Variants in KCNIP4 observed in about 807,000 individuals in gnomAD.
KCNIP4 encodes the protein Kv channel-interacting protein 4.
KCNIP4 carries 12 observed loss-of-function variants against 34.0 expected under a neutral mutation model. The ratio of observed to expected loss-of-function variants is 0.35; its 90% CI spans 0.23 to 0.57. The LOEUF (loss-of-function observed/expected upper bound fraction) is 0.57. Ranked by LOEUF, KCNIP4 falls within the 20% of genes least tolerant of loss-of-function variation. The pLI is 0.83. For synonymous variants in KCNIP4, 124 were observed against 102.2 expected (o/e 1.21, Z -1.29); for missense variants, 238 against 311.7 (o/e 0.76, Z 1.78).
At chr4:21,525,197 A>C (rs928552790) in intron 1 of KCNIP4, among the ~76,000 whole-genome samples, 5 of 152,226 alleles carry the variant, frequency 3.3e-5, no homozygotes, top group African/African-American at 1.2e-4. Flanking sequence ...AAATCACAAC[A>C]GTATATGGAA....
At position 21,137,010 on chromosome 4, in the gene KCNIP4, C is replaced by A. The variant is rs1751549522; in HGVS notation, c.62-254301G>T. ...ACTGTGGGCCCTTCTCATAACCAAACTCTGGGTTCCATTCCTTTGATCAAC... is the reference window on the plus strand; with the variant it reads ...ACTGTGGGCCCTTCTCATAACCAAAATCTGGGTTCCATTCCTTTGATCAAC... On this transcript the variant is annotated intron_variant, in intron 1 of 8. Transcript: ENST00000382152. 2.0e-5 allele frequency among the ~76,000 whole-genome samples: 3 copies of A among 152,254 alleles called. No individual in the cohort carries two copies. In the South Asian group the frequency reaches 6.2e-4, roughly 32 times the overall value.
intron 1 of KCNIP4, among the ~76,000 whole-genome samples, chr4:21,331,897 C>T (rs1486579669): frequency 6.6e-6 from 1 of 151,994 alleles, no homozygotes; most frequent in Non-Finnish European, 1.5e-5. Context: ...CAATTAGACT[C>T]ACTTTGTGGG....
chr4:20,975,830 C>T (rs1015215778), intron 1 of KCNIP4, among the ~76,000 whole-genome samples: 6 of 152,264 alleles, frequency 3.9e-5, no homozygotes, highest in South Asian at 2.1e-4. Flanking sequence ...CATTGTTTCA[C>T]ATGTAAAATA....
At chr4:21,560,231 C>T (rs12641665) in intron 1 of KCNIP4, among the ~76,000 whole-genome samples, 64,704 of 151,786 alleles carry the variant, frequency 0.43, 13,995 homozygotes, top group East Asian at 0.66. Context: ...ACTTTAAGAT[C>T]ATCTCCCATA....
At chr4:21,898,439 T>C (rs568182337) in intron 1 of KCNIP4, among the ~76,000 whole-genome samples, 43 of 152,248 alleles carry the variant, frequency 2.8e-4, no homozygotes, top group African/African-American at 9.9e-4. Context: ...GCAACCTGTA[T>C]GCCAGTTCAG....
intron 1 of KCNIP4, among the ~76,000 whole-genome samples, chr4:21,186,842 T>C (rs2109337059): frequency 6.6e-6 from 1 of 152,078 alleles, no homozygotes; most frequent in South Asian, 2.1e-4. Context: ...AGAGACAGAG[T>C]CTTACTATGT....
chr4:21,147,508 T>C (rs1015245729), intron 1 of KCNIP4, among the ~76,000 whole-genome samples: 2 of 152,166 alleles, frequency 1.3e-5, no homozygotes, highest in South Asian at 2.1e-4. Flanking sequence ...TGCTTCAGAG[T>C]TGTTGAGCTC....
At chr4:21,704,204 A>G (rs1283972249) in intron 1 of KCNIP4, among the ~76,000 whole-genome samples, 1 of 152,180 alleles carries the variant, frequency 6.6e-6, no homozygotes, top group Non-Finnish European at 1.5e-5. Flanking sequence ...TTAAATGTAA[A>G]ATGTAAAACT....
At chr4:21,386,651 C>A (rs1329027833) in intron 1 of KCNIP4, among the ~76,000 whole-genome samples, 1 of 152,182 alleles carries the variant, frequency 6.6e-6, no homozygotes, top group African/African-American at 2.4e-5. Context: ...ATCCTACTTT[C>A]TAGCAGATTC....
chr4:20,786,460 C>T (rs1712004766), intron 3 of KCNIP4, among the ~76,000 whole-genome samples: 1 of 152,002 alleles, frequency 6.6e-6, no homozygotes, highest in Admixed American at 6.6e-5. Flanking sequence ...AAAATAAAAG[C>T]CAAAGAGGCA....
intron 2 of KCNIP4, among the ~76,000 whole-genome samples, chr4:20,864,960 C>A (rs1323207029): frequency 1.3e-5 from 2 of 152,126 alleles, no homozygotes; most frequent in Middle Eastern, 3.4e-3. Context: ...ACATCAGAAG[C>A]AGATACTGAT....
At chr4:21,189,294 C>G (rs1174600519) in intron 1 of KCNIP4, among the ~76,000 whole-genome samples, 1 of 152,306 alleles carries the variant, frequency 6.6e-6, no homozygotes, top group African/African-American at 2.4e-5. Context: ...AGTTTCCCAT[C>G]TGCTTCACAG....
At chr4:20,927,434 A>C (rs1016408946) in intron 1 of KCNIP4, among the ~76,000 whole-genome samples, 2 of 152,234 alleles carry the variant, frequency 1.3e-5, no homozygotes, top group African/African-American at 4.8e-5. Context: ...CTTAGCAGCT[A>C]TAATAGTGCA....
chr4:20,954,456 G>A (rs549905058), intron 1 of KCNIP4, among the ~76,000 whole-genome samples: 1 of 152,270 alleles, frequency 6.6e-6, no homozygotes, highest in Non-Finnish European at 1.5e-5. Context: ...GTACTCTGCA[G>A]GGTGTAGAGA....
rs118006994 is a variant in KCNIP4 at position 21,502,257 on chromosome 4, G to A, written c.61+446314C>T. ...TCAAGGTCTGATACATGCTCAAAATGGGAAAAAGAAAAAGAAAATGAGTTA... is the reference window on the plus strand; with the variant it reads ...TCAAGGTCTGATACATGCTCAAAATAGGAAAAAGAAAAAGAAAATGAGTTA... On this transcript the variant is annotated intron_variant, in intron 1 of 8. Transcript: ENST00000382152. Among the ~76,000 whole-genome samples the A allele has an allele frequency of 0.012, 1,770 of 151,940 alleles. 70 individuals carry two copies. The East Asian group carries it at 0.12, about 10-fold the overall frequency.
intron 7 of KCNIP4, among the ~76,000 whole-genome samples, chr4:20,732,402 G>A (rs954826612): frequency 1.3e-5 from 2 of 152,144 alleles, no homozygotes; most frequent in African/African-American, 4.8e-5. Context: ...GATTAATGAG[G>A]ATTTATAGGA....
intron 1 of KCNIP4, among the ~76,000 whole-genome samples, chr4:21,089,864 A>G (rs1227018171): frequency 6.6e-6 from 1 of 152,148 alleles, no homozygotes; most frequent in African/African-American, 2.4e-5. Flanking sequence ...GCAAAGCCTG[A>G]TCTCTGGATA....
chr4:21,665,928 C>T (rs1748913947), intron 1 of KCNIP4, among the ~76,000 whole-genome samples: 1 of 152,074 alleles, frequency 6.6e-6, no homozygotes. Flanking sequence ...TTATTGTGAA[C>T]CCAGGAAGGT....
chr4:21,087,146 A>ATGTGTATGTGTG lies in KCNIP4; in HGVS notation c.62-204438_62-204437insCACACATACACA, dbSNP rs1553935808. Among the ~76,000 whole-genome samples the ATGTGTATGTGTG allele has an allele frequency of 5.2e-3, 574 of 110,884 alleles. 5 individuals are homozygous for ATGTGTATGTGTG. Among genetic ancestry groups the ATGTGTATGTGTG allele is most frequent in the African/African-American group, 0.02 (542 of 26,774 alleles). 72.7% of individuals were successfully genotyped at this position (110,884 alleles called of 152,430 possible). A position where few individuals can be genotyped will look rare whatever the true frequency, so the allele number is the denominator to read the frequency against. On this transcript the variant is annotated intron_variant, in intron 1 of 8. Coordinates refer to ENST00000382152, the MANE Select transcript of KCNIP4 (RefSeq NM_025221.6). Reference sequence around the variant, plus strand: ...AGGCATGCACCACCACTGCTGGGTAATGTGTGTGTGTGTGTGTGTGTGTGT... The same window carrying ATGTGTATGTGTG: ...AGGCATGCACCACCACTGCTGGGTAATGTGTATGTGTGTGTGTGTGTGTGTGTGTGTGTGTGT...
Sources: gnomAD v4.1 joint callset for allele counts (sites outside exome capture counted in the v4.1 genomes callset) on GRCh38, gnomAD v4.1.1 for gene constraint, MANE v1.5 for transcripts, NCBI Gene and HGNC (gene_info 2026-07-23, HGNC 2026-07-21) for gene names.